SEMA4F: variants seen among roughly 807,000 people sequenced by gnomAD.
SEMA4F encodes semaphorin-4F.
SEMA4F carries 51 observed loss-of-function variants against 78.4 expected under a neutral mutation model. The observed-to-expected ratio is 0.65, with a 90% CI of 0.52 to 0.82. SEMA4F has a LOEUF of 0.82. Ranked by LOEUF, SEMA4F falls within the 40% of genes least tolerant of loss-of-function variation. The probability of loss-of-function intolerance (pLI) is 0.00; values close to 1 mark genes in which losing one functional copy is unlikely to be tolerated. For missense variants in SEMA4F, 938 were observed against 1,014.4 expected (o/e 0.92, Z 1.02); for synonymous variants, 418 against 408.7 (o/e 1.02, Z -0.27).
chr2:74,703,908 T>G, the SEMA4F span, among the ~76,000 whole-genome samples: 1 of 152,188 alleles, frequency 6.6e-6, no homozygotes, highest in African/African-American at 2.4e-5. Flanking sequence ...CAAGCCCCAC[T>G]TGTGGTCTGT....
intron 4 of SEMA4F, among the ~76,000 whole-genome samples, chr2:74,662,481 G>A (rs539494653): frequency 1.3e-5 from 2 of 152,300 alleles, no homozygotes; most frequent in African/African-American, 4.8e-5. Context: ...GGGCATGTGG[G>A]TGTTGGCTGC....
At chr2:74,659,436 C>T (rs1255716252) in intron 4 of SEMA4F, among the ~76,000 whole-genome samples, 1 of 152,146 alleles carries the variant, frequency 6.6e-6, no homozygotes, top group Non-Finnish European at 1.5e-5. Context: ...ACATACCTGT[C>T]AGGATTGGTG....
At chr2:74,663,911 G>C (rs964963483) in intron 5 of SEMA4F, among the ~76,000 whole-genome samples, 22 of 152,224 alleles carry the variant, frequency 1.4e-4, no homozygotes, top group African/African-American at 5.3e-4. Context: ...TACATTTGCT[G>C]CCAGTCCTTT....
At chr2:74,666,958 A>T (rs572945848) in intron 5 of SEMA4F, among the ~76,000 whole-genome samples, 44 of 152,210 alleles carry the variant, frequency 2.9e-4, no homozygotes, top group Non-Finnish European at 5.3e-4. Flanking sequence ...TTGTAATTCT[A>T]TCATTACCAA....
the SEMA4F span, among the ~76,000 whole-genome samples, chr2:74,702,368 G>A: frequency 1.3e-5 from 2 of 151,118 alleles, no homozygotes; most frequent in African/African-American, 2.4e-5. Context: ...TTATGATACA[G>A]CTAAAATTGC....
intron 12 of SEMA4F, 69 bp from the exon 13 acceptor site, chr2:74,679,207 T>C (rs1558736339): frequency 8.8e-7 from 1 of 1,134,242 alleles, no homozygotes; most frequent in Non-Finnish European, 1.3e-6. Context: ...TGAGGGAGTC[T>C]TCAGTAATAC....
intron 5 of SEMA4F, among the ~76,000 whole-genome samples, chr2:74,669,618 A>C (rs1484054832): frequency 2.7e-5 from 4 of 150,282 alleles, no homozygotes; most frequent in Admixed American, 1.3e-4. Flanking sequence ...ACAACAACAA[A>C]AACAAAAGGT....
chr2:74,691,958 G>A, the SEMA4F span, among the ~76,000 whole-genome samples: 19 of 152,120 alleles, frequency 1.2e-4, no homozygotes, highest in Admixed American at 7.2e-4. Flanking sequence ...TGCTCCTGTC[G>A]GGGGTAACAG....
the SEMA4F span, among the ~76,000 whole-genome samples, chr2:74,689,569 A>G: frequency 4.0e-4 from 61 of 152,312 alleles, no homozygotes; most frequent in Non-Finnish European, 7.4e-4. Context: ...TTTTATTTTT[A>G]TAATAATTAT....
chr2:74,683,995 G>C (rs1685751363), downstream of SEMA4F: 1 of 152,032 alleles, frequency 6.6e-6, no homozygotes, highest in South Asian at 2.1e-4. Flanking sequence ...TGAGCACCAA[G>C]TGCTCAAAAT....
At chr2:74,659,037 G>A (rs1684300361) in intron 4 of SEMA4F, among the ~76,000 whole-genome samples, 1 of 152,132 alleles carries the variant, frequency 6.6e-6, no homozygotes, top group Non-Finnish European at 1.5e-5. Flanking sequence ...GCTGCCTTGG[G>A]GTGGGTTGGA....
the SEMA4F span, among the ~76,000 whole-genome samples, chr2:74,704,955 C>T: frequency 6.6e-6 from 1 of 152,272 alleles, no homozygotes; most frequent in Admixed American, 6.5e-5. Flanking sequence ...TCCAAGGGTC[C>T]ATCAGTTTCA....
chr2:74,664,815 A>G (rs1259178229), intron 5 of SEMA4F, among the ~76,000 whole-genome samples: 2 of 152,216 alleles, frequency 1.3e-5, no homozygotes, highest in African/African-American at 2.4e-5. Flanking sequence ...GTAGGATATT[A>G]GTATTTCAAT....
chr2:74,674,673 A>G lies in SEMA4F; in HGVS notation c.998A>G (p.Gln333Arg). 6.2e-7 allele frequency: 1 copy of G among 1,613,464 alleles called. No homozygotes were observed. Among genetic ancestry groups the G allele is most frequent in the Non-Finnish European group, 8.5e-7 (1 of 1,179,860 alleles). Reference protein sequence around the residue: ...TPIFYGIFSSQWEGATISAVC... With the variant: ...TPIFYGIFSSRWEGATISAVC... ...ATCTTTTATGGCATCTTTTCTTCCC[A>G]GTGGTGAGGGGTCTTGGTGTGGAGG... The change falls in exon 8 of 14, where the codon CAG becomes CGG. Residue 333 changes from glutamine (Q) to arginine (R), a missense_variant. Transcript: ENST00000357877.
At chr2:74,700,498 CCTCGCAGGCTAGATTGCTGATTAATA>C in the SEMA4F span, among the ~76,000 whole-genome samples, 1 of 152,178 alleles carries the variant, frequency 6.6e-6, no homozygotes, top group Non-Finnish European at 1.5e-5. Flanking sequence ...TTATCTTCAG[CCTCGCAGGCTAGATTGCTGATTAATA>C]CTCTTGTTGT....
the SEMA4F span, among the ~76,000 whole-genome samples, chr2:74,703,112 T>C: frequency 2.0e-5 from 3 of 152,118 alleles, no homozygotes; most frequent in African/African-American, 4.8e-5. Context: ...TAACCTTCTA[T>C]TGGGGGTCAT....
rs774416709 is a variant in SEMA4F at position 74,673,820 on chromosome 2, G to T, written c.814G>T (p.Val272Leu). Residue 272 changes from valine (V) to leucine (L), a missense_variant, in exon 7 of 14, where the codon GTG (valine) becomes TTG (leucine). Physicochemically the swap from Val to Leu is conservative, Grantham distance 32. Coordinates refer to ENST00000357877, the MANE Select transcript of SEMA4F (RefSeq NM_004263.5). ...CATTAAAGTCCCACGGGTGGCCCGT[G>T]TGTGTGCGGTGAGACCCCATCCCAG... ...ERIKVPRVARVCAGDLGGRKT... is the reference protein window; with the variant it reads ...ERIKVPRVARLCAGDLGGRKT... 3 of 1,613,176 alleles carry T rather than the reference G, an allele frequency of 1.9e-6. No homozygotes were observed. The highest frequency in any genetic ancestry group is 2.5e-6 in the Non-Finnish European group (3 of 1,179,440).
At chr2:74,690,799 A>C in the SEMA4F span, among the ~76,000 whole-genome samples, 1 of 152,224 alleles carries the variant, frequency 6.6e-6, no homozygotes, top group Middle Eastern at 3.2e-3. Context: ...GCCTGTTGCT[A>C]ATGCTGGTGG....
At position 74,657,943 on chromosome 2, in the gene SEMA4F, G is replaced by A. The variant is rs200194422; in HGVS notation, c.448G>A (p.Gly150Arg). 3.7e-6 allele frequency: 6 copies of A among 1,613,992 alleles called. 1 individual carries two copies. Among genetic ancestry groups the A allele is most frequent in the Middle Eastern group, 3.3e-4 (2 of 6,060 alleles). ...CGTFAFDPKC[G>R]VIDVSRFQQV... is the part of the protein sequence containing the mutation. ...CACCTTCGCTTTTGATCCGAAGTGC[G>A]GGGTTATTGTGAGTGACGGTGTGGG... The change falls in exon 4 of 14, where the codon GGG (glycine) becomes AGG (arginine). Residue 150 changes from glycine to arginine, a missense_variant. Coordinates refer to ENST00000357877, the MANE Select transcript of SEMA4F (RefSeq NM_004263.5).
Sources: allele counts gnomAD v4.1 joint callset (sites outside exome capture counted in the v4.1 genomes callset), GRCh38; gene constraint gnomAD v4.1.1; transcripts MANE v1.5; gene names NCBI Gene and HGNC (gene_info 2026-07-23, HGNC 2026-07-21).